Variants in PRKG1 observed in about 807,000 individuals in gnomAD.
The protein encoded by PRKG1 is protein kinase cGMP-dependent 1.
Under a neutral mutation model 88.1 loss-of-function variants are expected in PRKG1, and 35 were observed. The ratio of observed to expected loss-of-function variants is 0.40; its 90% CI spans 0.30 to 0.53. PRKG1 has a LOEUF of 0.53. Ranked by LOEUF, PRKG1 falls within the 20% of genes least tolerant of loss-of-function variation. The probability of loss-of-function intolerance (pLI) is 0.59; values close to 1 mark genes in which losing one functional copy is unlikely to be tolerated. For synonymous variants in PRKG1, 303 were observed against 292.5 expected (o/e 1.04, Z -0.37); for missense variants, 540 against 839.8 (o/e 0.64, Z 4.41).
intron 4 of PRKG1, among the ~76,000 whole-genome samples, chr10:51,820,049 T>G (rs992584818): frequency 2.4e-4 from 36 of 152,216 alleles, no homozygotes; most frequent in African/African-American, 8.7e-4. Flanking sequence ...ATAAAGAATA[T>G]ATTTTATAAA....
At chr10:51,659,217 G>A (rs1840235553) in intron 3 of PRKG1, among the ~76,000 whole-genome samples, 1 of 152,106 alleles carries the variant, frequency 6.6e-6, no homozygotes. Context: ...TAGGGGTCCA[G>A]TAGAGAACAA....
At chr10:51,392,893 TGGCCGG>T (rs1564474072) in intron 2 of PRKG1, among the ~76,000 whole-genome samples, 5 of 109,612 alleles carry the variant, frequency 4.6e-5, no homozygotes, top group African/African-American at 1.7e-4. Context: ...ACGGGGCGGC[TGGCCGG>T]GTGGGGGGCT....
rs1441758145 is a variant in PRKG1 at position 51,697,829 on chromosome 10, T to C, written c.593-106756T>C. ...CTGCATGATCAAAGCTGCCTTCTCC[T>C]GATCCTGTGGAGTGACCTGGCTCTG... On this transcript the variant is annotated intron_variant, in intron 3 of 17. Coordinates refer to ENST00000373980, the MANE Select transcript of PRKG1 (RefSeq NM_006258.4). 6.2e-7 allele frequency: 1 copy of C among 1,614,160 alleles called. No homozygotes were observed. Among genetic ancestry groups the C allele is most frequent in the South Asian group, 1.1e-5 (1 of 91,082 alleles).
intron 3 of PRKG1, among the ~76,000 whole-genome samples, chr10:51,501,790 C>CTTTTTTT (rs5784871): frequency 7.9e-5 from 9 of 113,764 alleles, no homozygotes; most frequent in East Asian, 2.7e-4. Context: ...ACTTTAGTTT[C>CTTTTTTT]TTTTTTTTTT....
At chr10:51,884,210 G>A (rs1841505561) in intron 4 of PRKG1, among the ~76,000 whole-genome samples, 1 of 151,330 alleles carries the variant, frequency 6.6e-6, no homozygotes, top group Admixed American at 6.6e-5. Context: ...ACTTTGGGAG[G>A]CCGAGACGGG....
At chr10:52,266,394 C>T (rs1337006601) in intron 10 of PRKG1, among the ~76,000 whole-genome samples, 1 of 151,882 alleles carries the variant, frequency 6.6e-6, no homozygotes, top group African/African-American at 2.4e-5. Context: ...CGACAGACCC[C>T]AGTGTGTGTT....
intron 5 of PRKG1, among the ~76,000 whole-genome samples, chr10:51,947,587 T>C (rs2133045345): frequency 6.6e-6 from 1 of 152,282 alleles, no homozygotes; most frequent in South Asian, 2.1e-4. Context: ...ACGGGAGCTG[T>C]TCCTATTCGG....
Position 52,054,578 on chromosome 10 carries a change from C to T in PRKG1, c.840+17C>T, listed in dbSNP as rs1846065215. The T allele has an allele frequency of 6.2e-7, 1 of 1,610,626 alleles. No individual in the cohort carries two copies. Among genetic ancestry groups the T allele is most frequent in the Non-Finnish European group, 8.5e-7 (1 of 1,177,154 alleles). ...AAAGGAACGGTAAGCTTTGGTGGCA[C>T]AAGACAGTGATGCACTAGGGGAGCC... On this transcript the variant is annotated intron_variant, in intron 6 of 17. Transcript: ENST00000373980.
At chr10:51,768,024 T>A (rs572829067) in intron 3 of PRKG1, among the ~76,000 whole-genome samples, 7,082 of 149,274 alleles carry the variant, frequency 0.047, 534 homozygotes, top group African/African-American at 0.16. Flanking sequence ...AAAAAATAAA[T>A]AAATAAAAAA....
intron 11 of PRKG1, among the ~76,000 whole-genome samples, 153 bp downstream of exon 11, chr10:52,271,642 A>G (rs1444520040): frequency 6.6e-6 from 1 of 152,130 alleles, no homozygotes; most frequent in East Asian, 1.9e-4. Context: ...TTTGATTTCT[A>G]AAAATAAAGT....
chr10:51,027,125 C>G (rs72791134), intron 1 of PRKG1, among the ~76,000 whole-genome samples: 33,828 of 152,096 alleles, frequency 0.22, 3,919 homozygotes, highest in East Asian at 0.26. Context: ...TGCAGAGCGT[C>G]AAACCAACTG....
chr10:51,912,613 C>T (rs1384670192), intron 5 of PRKG1, among the ~76,000 whole-genome samples: 1 of 151,702 alleles, frequency 6.6e-6, no homozygotes, highest in Non-Finnish European at 1.5e-5. Flanking sequence ...TGTAACCAGA[C>T]AAAAAGAGCA....
intron 2 of PRKG1, among the ~76,000 whole-genome samples, chr10:51,229,572 T>G (rs1838780221): frequency 6.6e-6 from 1 of 152,150 alleles, no homozygotes; most frequent in African/African-American, 2.4e-5. Flanking sequence ...GAAATGTATC[T>G]TAGTCTCTCC....
intron 5 of PRKG1, among the ~76,000 whole-genome samples, chr10:51,929,024 C>G (rs1842634222): frequency 6.6e-6 from 1 of 152,092 alleles, no homozygotes; most frequent in African/African-American, 2.4e-5. Context: ...ACACCCCATA[C>G]CAGACCAAAA....
At chr10:52,292,710 AC>A (rs1388441113) in intron 17 of PRKG1, among the ~76,000 whole-genome samples, 29 of 152,118 alleles carry the variant, frequency 1.9e-4, no homozygotes, top group African/African-American at 5.1e-4. Context: ...AAATTTAACA[AC>A]CCTTCATGCT....
chr10:52,114,197 C>A (rs949331637), intron 7 of PRKG1, among the ~76,000 whole-genome samples: 1 of 152,048 alleles, frequency 6.6e-6, no homozygotes, highest in Non-Finnish European at 1.5e-5. Flanking sequence ...TCAGAAATAT[C>A]AGAGACAGAT....
intron 3 of PRKG1, among the ~76,000 whole-genome samples, chr10:51,512,241 T>C (rs899808693): frequency 6.7e-6 from 1 of 149,980 alleles, no homozygotes; most frequent in Admixed American, 6.7e-5. Flanking sequence ...ATGTGCACAT[T>C]GTGCAGGTTA....
At chr10:52,086,144 T>C (rs1846907787) in intron 7 of PRKG1, among the ~76,000 whole-genome samples, 1 of 152,064 alleles carries the variant, frequency 6.6e-6, no homozygotes, top group African/African-American at 2.4e-5. Context: ...GCTTTTAATG[T>C]CAAAATTATT....
In PRKG1 at chr10:51,763,208, G is replaced by T. The variant is rs115490707; in HGVS notation, c.593-41377G>T. Among the ~76,000 whole-genome samples the T allele has an allele frequency of 6.0e-3, 908 of 152,002 alleles. 9 individuals carry two copies. Among genetic ancestry groups the T allele is most frequent in the African/African-American group, 0.021 (858 of 41,488 alleles). ...TACCATGTACTTGTAAGGATGTTAC[G>T]TTATATGTATATTTTTAATTTTTTT... On this transcript the variant is annotated intron_variant, in intron 3 of 17. Transcript: ENST00000373980.
Sources: allele counts gnomAD v4.1 joint callset (sites outside exome capture counted in the v4.1 genomes callset), GRCh38; gene constraint gnomAD v4.1.1; transcripts MANE v1.5; gene names NCBI Gene and HGNC (gene_info 2026-07-23, HGNC 2026-07-21).